NCBP3: variants seen among roughly 807,000 people sequenced by gnomAD.
NCBP3 encodes nuclear cap binding subunit 3, also known as nuclear cap-binding protein subunit 3.
A neutral mutation model predicts 75.7 loss-of-function variants in NCBP3; 20 were observed. That is an observed-to-expected ratio of 0.26 (90% CI 0.19 to 0.38). The LOEUF is 0.38. Ranked by LOEUF, NCBP3 falls within the 10% of genes least tolerant of loss-of-function variation. NCBP3 has a pLI of 1.00. For missense variants in NCBP3, 678 were observed against 796.9 expected, an observed-to-expected ratio of 0.85 and a Z score of 1.80; for synonymous variants, 293 against 290.5, an observed-to-expected ratio of 1.01 and a Z score of -0.09.
In NCBP3 at chr17:3,840,224, G is replaced by A; in HGVS notation, c.250-19C>T. 1 of 1,544,220 alleles carries A rather than the reference G, an allele frequency of 6.5e-7. No homozygotes were observed. Among genetic ancestry groups the A allele is most frequent in the Non-Finnish European group, 8.8e-7 (1 of 1,140,288 alleles). ...TTGCTTCCTAGAAAGTACAGAAAAA[G>A]TGAAAGTAGTAAAATATGGAGAAGG... On this transcript the variant is annotated intron_variant, in intron 2 of 12. Transcript: ENST00000389005.
chr17:3,833,390 T>G (rs568650442), intron 3 of NCBP3, among the ~76,000 whole-genome samples: 1 of 152,322 alleles, frequency 6.6e-6, no homozygotes, highest in African/African-American at 2.4e-5. Flanking sequence ...ATTACAGGTG[T>G]GCACCACTGC....
In NCBP3 at chr17:3,809,682, C is replaced by G. The variant is rs2082305; in HGVS notation, c.*3362G>C. On this transcript the variant is annotated 3_prime_UTR_variant, in exon 13 of 13. Coordinates refer to ENST00000389005, the MANE Select transcript of NCBP3 (RefSeq NM_001114118.3). ...GATCGTGCCATTGCACTCCAGCCTGCACAACAAGAGCGAAACTGTGTCTCA... is the reference window on the plus strand; with the variant it reads ...GATCGTGCCATTGCACTCCAGCCTGGACAACAAGAGCGAAACTGTGTCTCA... 0.13 allele frequency: 19,466 copies of G among 152,008 alleles called. 2,305 individuals carry two copies. Among genetic ancestry groups the G allele is most frequent in the African/African-American group, 0.31 (12,852 of 41,424 alleles). 9.4% of individuals were successfully genotyped at this position (152,008 alleles called of 1,614,324 possible). A position where few individuals can be genotyped will look rare whatever the true frequency, so the allele number is the denominator to read the frequency against.
At chr17:3,817,701 CAT>C (rs1304535528) in intron 10 of NCBP3, among the ~76,000 whole-genome samples, 2 of 152,162 alleles carry the variant, frequency 1.3e-5, no homozygotes, top group East Asian at 3.9e-4. Flanking sequence ...TTTTTAAACA[CAT>C]ATTGTTTTGT....
intron 4 of NCBP3, among the ~76,000 whole-genome samples, chr17:3,828,005 G>A (rs1378726047): frequency 1.3e-5 from 2 of 152,182 alleles, no homozygotes; most frequent in African/African-American, 4.8e-5. Flanking sequence ...TGCTGCCTCT[G>A]CCTCCCAGAT....
chr17:3,803,828 C>T lies in NCBP3; in HGVS notation c.*9216G>A, dbSNP rs1362861935. 1.3e-5 allele frequency: 2 copies of T among 152,240 alleles called. No homozygotes were observed. Among genetic ancestry groups the T allele is most frequent in the Non-Finnish European group, 2.9e-5 (2 of 68,048 alleles). The allele number at this position is 152,240 out of a possible 1,614,324, so 9.4% of individuals were successfully genotyped here. On this transcript the variant is annotated 3_prime_UTR_variant, in exon 13 of 13. Transcript: ENST00000389005. The stretch of plus-strand genomic sequence containing the variant: ...CGGTGGCTCACGCCTGTAATCCCAG[C>T]ACTTTGGGAGGCCGAGGCGGGCGGA...
At chr17:3,813,330 G>C (rs757722102) in intron 12 of NCBP3, 51 bp from the exon 13 acceptor site, 5 of 1,601,356 alleles carry the variant, frequency 3.1e-6, no homozygotes, top group Non-Finnish European at 4.3e-6. Flanking sequence ...TAAGAACCAG[G>C]GTAGCACTGA....
At chr17:3,823,971 A>T (rs2053721595) in intron 7 of NCBP3, 1 of 152,226 alleles carries the variant, frequency 6.6e-6, no homozygotes, top group Non-Finnish European at 1.5e-5. Flanking sequence ...GGGACATTGT[A>T]TAAAATAGTA....
At chr17:3,843,262 T>C in intron 1 of NCBP3, 111 bp from the exon 2 acceptor site, 1 of 807,074 alleles carries the variant, frequency 1.2e-6, no homozygotes, top group Non-Finnish European at 2.0e-6. Flanking sequence ...TTTTTTTTGT[T>C]GGTGACAGTG....
In NCBP3 at chr17:3,818,071, T is replaced by C. The variant is rs2053581552; in HGVS notation, c.1310+192A>G. On this transcript the variant is annotated intron_variant, in intron 10 of 12. Coordinates refer to ENST00000389005, the MANE Select transcript of NCBP3 (RefSeq NM_001114118.3). This position sits in a 1 kb window ranked among gnomAD's most constrained non-coding sequence, Gnocchi z 4.7. ...ATGGGAATACAGATGATTTTCACTT[T>C]CTATGTTGTCTTTTGTTTTTATAAC... Among the ~76,000 whole-genome samples the C allele has an allele frequency of 6.6e-6, 1 of 152,186 alleles. No individual in the cohort carries two copies. Among genetic ancestry groups the C allele is most frequent in the Non-Finnish European group, 1.5e-5 (1 of 68,038 alleles).
chr17:3,804,431 C>T lies in NCBP3; in HGVS notation c.*8613G>A, dbSNP rs548805716. The T allele has an allele frequency of 2.4e-4, 37 of 152,260 alleles. No homozygotes were observed. The highest frequency in any genetic ancestry group is 8.4e-4 in the African/African-American group (35 of 41,538). The allele number at this position is 152,260 out of a possible 1,614,324, so 9.4% of individuals were successfully genotyped here. On this transcript the variant is annotated 3_prime_UTR_variant, in exon 13 of 13. Transcript: ENST00000389005. The stretch of plus-strand genomic sequence containing the variant: ...GGCGTGGCAGCGTGTGCCTGTAGCC[C>T]CAGCTTCGGGAGGCTATGGTGGGAG...
At position 3,821,371 on chromosome 17, in the gene NCBP3, A is replaced by G. The variant is rs568201101; in HGVS notation, c.897-19T>C. On this transcript the variant is annotated intron_variant, in intron 8 of 12. Coordinates refer to ENST00000389005, the MANE Select transcript of NCBP3 (RefSeq NM_001114118.3). The stretch of plus-strand genomic sequence containing the variant: ...TCGCTTCCTGCAAGAATGCCAAAAT[A>G]AGCACACAATCAAAAACTGATAGGA... 18 of 1,595,260 alleles carry G rather than the reference A, an allele frequency of 1.1e-5. No homozygotes were observed. The highest frequency in any genetic ancestry group is 1.5e-5 in the Non-Finnish European group (18 of 1,163,236).
chr17:3,841,862 A>G (rs1418399358), intron 2 of NCBP3, among the ~76,000 whole-genome samples: 2 of 150,824 alleles, frequency 1.3e-5, no homozygotes, highest in Non-Finnish European at 1.5e-5. Flanking sequence ...TATAAAAAGG[A>G]AGGCACGAAA....
chr17:3,817,264 T>C (rs1033278332), intron 10 of NCBP3, among the ~76,000 whole-genome samples: 4 of 152,082 alleles, frequency 2.6e-5, no homozygotes, highest in African/African-American at 9.7e-5. Context: ...TTAGAAAGAA[T>C]GGTAATAGCT....
chr17:3,843,790 C>G (rs1180241615), intron 1 of NCBP3, among the ~76,000 whole-genome samples: 1 of 152,232 alleles, frequency 6.6e-6, no homozygotes, highest in Non-Finnish European at 1.5e-5. Flanking sequence ...GGTGATCCGT[C>G]TGTCTCAGCC....
At chr17:3,821,518 GT>G (rs2053665222) in intron 8 of NCBP3, among the ~76,000 whole-genome samples, 166 bp from the exon 9 acceptor site, 1 of 152,060 alleles carries the variant, frequency 6.6e-6, no homozygotes, top group Non-Finnish European at 1.5e-5. Context: ...TGCCTCTTGG[GT>G]TCAAGCAATT....
intron 3 of NCBP3, among the ~76,000 whole-genome samples, chr17:3,836,790 A>G (rs2053980098): frequency 6.6e-6 from 1 of 152,182 alleles, no homozygotes; most frequent in Non-Finnish European, 1.5e-5. Flanking sequence ...CCAGGTAACT[A>G]GGCTTCAGAG....
At chr17:3,838,631 C>T (rs566244233) in intron 3 of NCBP3, among the ~76,000 whole-genome samples, 24 of 152,340 alleles carry the variant, frequency 1.6e-4, no homozygotes, top group Non-Finnish European at 2.4e-4. Flanking sequence ...CTACATTACA[C>T]AGCAACAGAG....
intron 11 of NCBP3, 121 bp downstream of exon 11, chr17:3,815,995 T>A (rs1317913121): frequency 2.2e-6 from 2 of 890,478 alleles, no homozygotes; most frequent in Non-Finnish European, 3.2e-6. Flanking sequence ...AATTTAGACA[T>A]GATGAACCAG....
At chr17:3,841,026 C>T (rs1164452925) in intron 2 of NCBP3, among the ~76,000 whole-genome samples, 2 of 152,098 alleles carry the variant, frequency 1.3e-5, no homozygotes, top group Non-Finnish European at 2.9e-5. Flanking sequence ...CTCACTCTGT[C>T]GCCAGGCTGC....
Sources: allele counts gnomAD v4.1 joint callset (sites outside exome capture counted in the v4.1 genomes callset), GRCh38; gene constraint gnomAD v4.1.1; non-coding constraint Gnocchi (gnomAD v3.1); transcripts MANE v1.5; gene names NCBI Gene and HGNC (gene_info 2026-07-23, HGNC 2026-07-21).